The following CACNA2D3 variants were observed in gnomAD, a reference collection of about 807,000 sequenced individuals.
CACNA2D3 encodes calcium voltage-gated channel auxiliary subunit alpha2delta 3, also known as voltage-dependent calcium channel subunit alpha-2/delta-3.
A neutral mutation model predicts 160.6 loss-of-function variants in CACNA2D3; 60 were observed. The ratio of observed to expected loss-of-function variants is 0.37; its 90% CI spans 0.30 to 0.46. CACNA2D3 has a LOEUF of 0.46. Ranked by LOEUF, CACNA2D3 falls within the 20% of genes least tolerant of loss-of-function variation. The pLI is 1.00. For missense variants in CACNA2D3, 1,205 were observed against 1,365.0 expected, an observed-to-expected ratio of 0.88 and a Z score of 1.85; for synonymous variants, 558 against 492.9, an observed-to-expected ratio of 1.13 and a Z score of -1.75.
chr3:54,124,902 C>T (rs963100692), intron 2 of CACNA2D3, among the ~76,000 whole-genome samples: 3 of 152,220 alleles, frequency 2.0e-5, no homozygotes, highest in African/African-American at 7.2e-5. Flanking sequence ...CTGTGGCCCA[C>T]CTCGGCACTT....
At chr3:54,668,616 A>AT (rs5849049) in intron 11 of CACNA2D3, among the ~76,000 whole-genome samples, 139,965 of 152,278 alleles carry the variant, frequency 0.92, 64,582 homozygotes, top group African/African-American at 0.94. Flanking sequence ...AAATACATTC[A>AT]TCCATTCCTT....
In CACNA2D3 at chr3:55,074,248, G is replaced by A. The variant is rs549128968; in HGVS notation, c.*42G>A. On this transcript the variant is annotated 3_prime_UTR_variant, in exon 38 of 38. Transcript: ENST00000474759. ...CTCTTACTGACTGAGATGTTCTCTT[G>A]GCATGCTAAATCATGGATAAACTGT... is the stretch of plus-strand genomic sequence containing the variant. The A allele has an allele frequency of 2.0e-6, 3 of 1,478,198 alleles. No homozygotes were observed. Among genetic ancestry groups the A allele is most frequent in the Non-Finnish European group, 1.9e-6 (2 of 1,056,472 alleles). The allele number at this position is 1,478,198 out of a possible 1,614,324, so 91.6% of individuals were successfully genotyped here.
At chr3:54,715,061 A>G (rs2106971544) in intron 11 of CACNA2D3, among the ~76,000 whole-genome samples, 1 of 152,250 alleles carries the variant, frequency 6.6e-6, no homozygotes, top group Middle Eastern at 3.4e-3. Context: ...CTACCTGGAG[A>G]CAGGTTGAGG....
chr3:54,650,616 C>T (rs1244885140), intron 11 of CACNA2D3, among the ~76,000 whole-genome samples: 2 of 152,138 alleles, frequency 1.3e-5, no homozygotes, highest in African/African-American at 2.4e-5. Flanking sequence ...CCACCTGCCT[C>T]GGCCTCCCAA....
At chr3:54,486,569 C>G (rs1255317209) in intron 4 of CACNA2D3, among the ~76,000 whole-genome samples, 2 of 152,186 alleles carry the variant, frequency 1.3e-5, no homozygotes, top group African/African-American at 4.8e-5. Flanking sequence ...ATCATTTGAT[C>G]AAACTTTACT....
intron 9 of CACNA2D3, among the ~76,000 whole-genome samples, chr3:54,627,148 G>A (rs577660503): frequency 2.6e-5 from 4 of 152,294 alleles, no homozygotes; most frequent in African/African-American, 9.6e-5. Flanking sequence ...TTACGCATGT[G>A]GTAGACATGA....
chr3:55,011,413 G>C (rs9828370), intron 34 of CACNA2D3, among the ~76,000 whole-genome samples: 18,454 of 152,186 alleles, frequency 0.12, 1,292 homozygotes, highest in African/African-American at 0.19. Flanking sequence ...GGGAACAAAG[G>C]TTTCTATGAT....
intron 3 of CACNA2D3, among the ~76,000 whole-genome samples, chr3:54,384,715 CA>C (rs1319504767): frequency 1.3e-5 from 2 of 151,982 alleles, no homozygotes; most frequent in Admixed American, 1.3e-4. Flanking sequence ...GGTAGGAATA[CA>C]TAAGTTTTGT....
At chr3:54,890,105 G>A (rs781598633) in intron 24 of CACNA2D3, among the ~76,000 whole-genome samples, 1 of 152,192 alleles carries the variant, frequency 6.6e-6, no homozygotes, top group African/African-American at 2.4e-5. Flanking sequence ...TGAAGATAAC[G>A]TGGAGAATAC....
chr3:55,073,491 G>A lies in CACNA2D3; in HGVS notation c.3034G>A (p.Val1012Met). Reference protein sequence around the residue: ...QIPSSNLFMVVVDSSCLCESV... With the variant: ...QIPSSNLFMVMVDSSCLCESV... ...CCCAAGCAGCAACCTGTTCATGGTG[G>A]TGGTGGACAGCAGCTGCCTCTGTGA... Residue 1012 changes from valine to methionine, a missense_variant, in exon 36 of 38, where the codon GTG (valine) becomes ATG (methionine). By Grantham distance (21) the Val-to-Met change is conservative. This residue lies in a region of CACNA2D3 where 911 missense variants were observed against 1,002.2 expected (regional missense o/e 0.91). Coordinates refer to ENST00000474759, the MANE Select transcript of CACNA2D3 (RefSeq NM_018398.3). The A allele has an allele frequency of 6.2e-7, 1 of 1,613,918 alleles. No homozygotes were observed. The highest frequency in any genetic ancestry group is 1.1e-5 in the South Asian group (1 of 91,072).
chr3:54,758,959 G>T (rs1255850989), intron 12 of CACNA2D3, among the ~76,000 whole-genome samples: 2 of 152,178 alleles, frequency 1.3e-5, no homozygotes, highest in South Asian at 2.1e-4. Flanking sequence ...TTGCAAAGTG[G>T]AGTATTTAAT....
intron 2 of CACNA2D3, among the ~76,000 whole-genome samples, chr3:54,206,506 C>T (rs1576998500): frequency 6.6e-6 from 1 of 152,170 alleles, no homozygotes; most frequent in Non-Finnish European, 1.5e-5. Context: ...CTCCCTCACA[C>T]GCATTCTCCT....
At chr3:54,967,875 A>G (rs1365954938) in intron 27 of CACNA2D3, among the ~76,000 whole-genome samples, 1 of 152,214 alleles carries the variant, frequency 6.6e-6, no homozygotes, top group Non-Finnish European at 1.5e-5. Context: ...CTTTTCACAG[A>G]CAAAGAAAAA....
intron 4 of CACNA2D3, among the ~76,000 whole-genome samples, chr3:54,483,818 G>A (rs541020051): frequency 1.3e-5 from 2 of 152,250 alleles, no homozygotes; most frequent in Non-Finnish European, 1.5e-5. Context: ...TCAGATAATA[G>A]GTCAACTCAT....
intron 9 of CACNA2D3, 107 bp downstream of exon 9, chr3:54,581,984 A>G: frequency 2.5e-6 from 2 of 793,888 alleles, no homozygotes; most frequent in Non-Finnish European, 4.0e-6. Flanking sequence ...CCTTTCATTG[A>G]GGCCCTTGGA....
intron 2 of CACNA2D3, among the ~76,000 whole-genome samples, chr3:54,217,925 A>C (rs116687811): frequency 5.1e-4 from 77 of 151,650 alleles, no homozygotes; most frequent in African/African-American, 1.9e-3. Flanking sequence ...AGAGAAAGAG[A>C]TGTGTTAGAG....
intron 2 of CACNA2D3, among the ~76,000 whole-genome samples, chr3:54,219,056 G>C (rs1701516424): frequency 6.6e-6 from 1 of 152,176 alleles, no homozygotes; most frequent in Non-Finnish European, 1.5e-5. Context: ...GGTATATGGT[G>C]CCCTCCACAG....
rs137973941 is a variant in CACNA2D3 at position 54,288,452 on chromosome 3, T to A, written c.205-31990T>A. Among the ~76,000 whole-genome samples the A allele has an allele frequency of 7.1e-3, 1,076 of 151,406 alleles. 11 individuals carry two copies. The highest frequency in any genetic ancestry group is 0.024 in the African/African-American group (1,006 of 41,226). ...TCAATAGCTTACCCACCAAAAAGAG[T>A]CCAGGACCAGATGGATTCACAGCCG... On this transcript the variant is annotated intron_variant, in intron 2 of 37. Coordinates refer to ENST00000474759, the MANE Select transcript of CACNA2D3 (RefSeq NM_018398.3).
intron 9 of CACNA2D3, chr3:54,626,581 A>T (rs962513851): frequency 3.9e-6 from 6 of 1,552,160 alleles, no homozygotes; most frequent in Non-Finnish European, 5.3e-6. Context: ...CATCACCTAC[A>T]AGCCCATAAA....
Sources: gnomAD v4.1 joint callset for allele counts (sites outside exome capture counted in the v4.1 genomes callset) on GRCh38, gnomAD v4.1.1 for gene constraint, gnomAD v4.1.1 regional missense constraint, MANE v1.5 for transcripts, NCBI Gene and HGNC (gene_info 2026-07-23, HGNC 2026-07-21) for gene names.